Variants in TENM2 observed in about 807,000 individuals in gnomAD.
The protein encoded by TENM2 is teneurin-2.
A neutral mutation model predicts 245.2 loss-of-function variants in TENM2; 52 were observed. The observed-to-expected ratio is 0.21, with a 90% CI of 0.17 to 0.27. TENM2 has a LOEUF of 0.27. TENM2 is among the 10% of genes least tolerant of loss of function. The probability of loss-of-function intolerance (pLI) is 1.00; values close to 1 mark genes in which losing one functional copy is unlikely to be tolerated. For synonymous variants in TENM2, 1,363 were observed against 1,438.9 expected (o/e 0.95, Z 1.19); for missense variants, 3,046 against 3,666.8 (o/e 0.83, Z 4.37).
At chr5:167,288,151 C>G (rs1438203464) in intron 1 of TENM2, among the ~76,000 whole-genome samples, 3 of 152,136 alleles carry the variant, frequency 2.0e-5, no homozygotes, top group Admixed American at 6.6e-5. Context: ...GACGTGAATT[C>G]TGCTTTTGCA....
At chr5:167,078,853 G>T in the TENM2 span, among the ~76,000 whole-genome samples, 4 of 152,124 alleles carry the variant, frequency 2.6e-5, no homozygotes, top group African/African-American at 9.7e-5. Context: ...CCTGAGAAAA[G>T]CTTCTCCAAC....
the TENM2 span, among the ~76,000 whole-genome samples, chr5:167,027,566 G>A: frequency 6.6e-6 from 1 of 151,832 alleles, no homozygotes; most frequent in Non-Finnish European, 1.5e-5. Flanking sequence ...ATAGATCATC[G>A]TGTATTATTT....
intron 2 of TENM2, among the ~76,000 whole-genome samples, chr5:167,546,566 A>G (rs996037344): frequency 5.9e-5 from 9 of 152,224 alleles, no homozygotes; most frequent in Admixed American, 5.9e-4. Context: ...AGAAGGTTGC[A>G]CAGAAGGTAA....
the TENM2 span, among the ~76,000 whole-genome samples, chr5:167,097,114 CA>C: frequency 6.6e-6 from 1 of 152,112 alleles, no homozygotes; most frequent in East Asian, 1.9e-4. Flanking sequence ...CCGAGAGAGT[CA>C]AACGCTCAAG....
rs561799338 is a variant in TENM2 at position 167,516,611 on chromosome 5, T to A, written c.502+141138T>A. Among the ~76,000 whole-genome samples, 4 of 152,324 alleles carry A rather than the reference T, an allele frequency of 2.6e-5. No individual in the cohort carries two copies. In the East Asian group the frequency reaches 5.8e-4, roughly 22 times the overall value. On this transcript the variant is annotated intron_variant, in intron 2 of 28. Transcript: ENST00000518659. ...ACCTTCTGCCTAGGCTAATGCTATA[T>A]TAAATTGCATTGAAATGCAAAAGCA... is the stretch of plus-strand genomic sequence containing the variant.
At chr5:168,172,105 G>A (rs986972291) in intron 13 of TENM2, among the ~76,000 whole-genome samples, 1 of 152,244 alleles carries the variant, frequency 6.6e-6, no homozygotes, top group Non-Finnish European at 1.5e-5. Context: ...ACGAGTCATG[G>A]TGGTGGGGAG....
At chr5:167,079,927 C>G in the TENM2 span, among the ~76,000 whole-genome samples, 1 of 152,154 alleles carries the variant, frequency 6.6e-6, no homozygotes, top group Admixed American at 6.5e-5. Flanking sequence ...TAAACTAAAT[C>G]CAGCAGTGGG....
rs372405436 is a variant in TENM2 at position 167,714,073 on chromosome 5, G to A, written c.503-161913G>A. 1.1e-3 allele frequency among the ~76,000 whole-genome samples: 162 copies of A among 152,250 alleles called. 3 individuals carry two copies. Among genetic ancestry groups the A allele is most frequent in the African/African-American group, 3.4e-3 (140 of 41,556 alleles). ...AAGAAGTGAGGGTCACCTCAGCCTT[G>A]CCTTCTGACTCAGGCTGTTCATGTT... On this transcript the variant is annotated intron_variant, in intron 2 of 28. Coordinates refer to ENST00000518659, the Ensembl canonical transcript of TENM2.
At chr5:167,942,216 GTAAA>G (rs1265002519) in intron 3 of TENM2, among the ~76,000 whole-genome samples, 1 of 152,072 alleles carries the variant, frequency 6.6e-6, no homozygotes, top group Non-Finnish European at 1.5e-5. Flanking sequence ...CTCAAAAAAA[GTAAA>G]TAAATAAATA....
chr5:168,050,131 T>A (rs1423948491), intron 6 of TENM2, among the ~76,000 whole-genome samples: 3 of 152,196 alleles, frequency 2.0e-5, no homozygotes, highest in Admixed American at 1.3e-4. Context: ...GCCAAATCAT[T>A]GTCCAGTGAA....
At chr5:167,378,378 C>CTTCTTCT (rs576878545) in intron 2 of TENM2, among the ~76,000 whole-genome samples, 4 of 110,088 alleles carry the variant, frequency 3.6e-5, no homozygotes, top group African/African-American at 1.5e-4. Flanking sequence ...CTTTCTTCTT[C>CTTCTTCT]TTTTTTTTTT....
At chr5:167,645,335 G>A (rs1387989208) in intron 2 of TENM2, among the ~76,000 whole-genome samples, 1 of 152,200 alleles carries the variant, frequency 6.6e-6, no homozygotes, top group Non-Finnish European at 1.5e-5. Flanking sequence ...TGCTTGTTGG[G>A]ATGGAAACAG....
intron 8 of TENM2, 45 bp from the exon 11 acceptor site, chr5:168,097,981 A>G: frequency 6.9e-7 from 1 of 1,444,182 alleles, no homozygotes; most frequent in Non-Finnish European, 9.6e-7. Context: ...TTACTGCACC[A>G]GTAGACAGAG....
At chr5:168,171,897 A>G (rs1758870420) in intron 13 of TENM2, among the ~76,000 whole-genome samples, 2 of 152,258 alleles carry the variant, frequency 1.3e-5, no homozygotes, top group South Asian at 2.1e-4. Flanking sequence ...TGCTTTGGCC[A>G]GAGCCTTGCC....
At chr5:167,087,383 T>C in the TENM2 span, among the ~76,000 whole-genome samples, 1 of 152,212 alleles carries the variant, frequency 6.6e-6, no homozygotes, top group Non-Finnish European at 1.5e-5. Context: ...CCATAAACTG[T>C]AGCTCTGCCT....
the TENM2 span, among the ~76,000 whole-genome samples, chr5:167,073,785 C>G: frequency 6.6e-6 from 1 of 152,190 alleles, no homozygotes; most frequent in African/African-American, 2.4e-5. Context: ...AAAACTTGGC[C>G]CTCTTGATCT....
At chr5:168,137,439 A>G (rs574243416) in intron 12 of TENM2, among the ~76,000 whole-genome samples, 1 of 152,384 alleles carries the variant, frequency 6.6e-6, no homozygotes, top group South Asian at 2.1e-4. Context: ...AGATTACAAA[A>G]TAACCACCTC....
At chr5:167,399,453 G>T (rs1402250020) in intron 2 of TENM2, among the ~76,000 whole-genome samples, 2 of 152,152 alleles carry the variant, frequency 1.3e-5, no homozygotes, top group Non-Finnish European at 2.9e-5. Flanking sequence ...AACATTTATT[G>T]AATATCTACT....
intron 27 of TENM2, among the ~76,000 whole-genome samples, chr5:168,251,594 G>A (rs976394751): frequency 6.6e-6 from 1 of 152,202 alleles, no homozygotes; most frequent in Non-Finnish European, 1.5e-5. Flanking sequence ...ATCATTCTCT[G>A]CTGTTCACAT....
Sources: gnomAD v4.1 joint callset for allele counts (sites outside exome capture counted in the v4.1 genomes callset) on GRCh38, gnomAD v4.1.1 for gene constraint, MANE v1.5 for transcripts, NCBI Gene and HGNC (gene_info 2026-07-23, HGNC 2026-07-21) for gene names.